TTN: variants seen among roughly 807,000 people sequenced by gnomAD.
TTN encodes titin.
A neutral mutation model predicts 3,223.0 loss-of-function variants in TTN; 1,525 were observed. That is an observed-to-expected ratio of 0.47 (90% confidence interval 0.45 to 0.49). TTN has a LOEUF of 0.49. Among genes scored for constraint, TTN ranks in the 20% least tolerant of loss-of-function variants. TTN has a pLI of 0.00. For missense variants in TTN, 40,786 were observed against 43,424.0 expected (o/e 0.94, Z 5.40); for synonymous variants, 14,094 against 15,161.0 (o/e 0.93, Z 5.17).
In TTN at chr2:178,582,493, A is replaced by G. The variant is rs776884578; in HGVS notation, c.65963T>C (p.Ile21988Thr). Residue 21988 changes from isoleucine to threonine, a missense_variant, in exon 314 of 363, where the codon ATC becomes ACC. Physicochemically the swap from Ile to Thr is moderately conservative, Grantham distance 89. Transcript: ENST00000589042. ...ACGTTTGTCAACAATATAGTTGGTG[A>G]TTTCTGAGCCTCCATCTTCAAGAGG... ...EPPLEDGGSE[I>T]TNYIVDKRET... 6.8e-6 allele frequency: 11 copies of G among 1,612,944 alleles called. No individual in the cohort carries two copies. In the South Asian group the frequency reaches 1.2e-4, roughly 18 times the overall value.
chr2:178,528,342 C>A lies in TTN; in HGVS notation c.107309G>T (p.Gly35770Val). Residue 35770 changes from glycine to valine, a missense_variant, in exon 361 of 363, where the codon GGA (glycine) becomes GTA (valine). Physicochemically the swap from Gly to Val is moderately radical, Grantham distance 109. Coordinates refer to ENST00000589042, the MANE Select transcript of TTN (RefSeq NM_001267550.2). The stretch of plus-strand genomic sequence containing the variant: ...ATTTTTGGCCTTAATTGTGTACTTT[C>A]CACTGTCGCTGACTGATGCATTTCG... ...EIRNASVSDS[G>V]KYTIKAKNFR... is the part of the protein sequence containing the mutation. The A allele has an allele frequency of 6.2e-7, 1 of 1,613,948 alleles. No homozygotes were observed. Among genetic ancestry groups the A allele is most frequent in the East Asian group, 2.2e-5 (1 of 44,878 alleles).
chr2:178,774,399 T>A lies in TTN; in HGVS notation c.6865A>T (p.Ile2289Phe). 1.2e-6 allele frequency: 2 copies of A among 1,613,996 alleles called. No individual in the cohort carries two copies. The highest frequency in any genetic ancestry group is 1.7e-6 in the Non-Finnish European group (2 of 1,179,940). The change falls in exon 30 of 363, where the codon ATT becomes TTT. Residue 2289 changes from isoleucine (I) to phenylalanine (F), a missense_variant. Coordinates refer to ENST00000589042, the MANE Select transcript of TTN (RefSeq NM_001267550.2). ...CCTTCTATATTTTCTGGGGATACAA[T>A]GCACTCTAATTCTCCTGAATATGAT... ...PESYSGELEC[I>F]VSPENIEGKW... is the part of the protein sequence containing the mutation.
At chr2:178,751,097 C>T in intron 47 of TTN, 1 of 1,612,866 alleles carries the variant, frequency 6.2e-7, no homozygotes, top group South Asian at 1.1e-5. Context: ...TTGCACAATA[C>T]TCTCAGCTGA....
chr2:178,579,253 T>A lies in TTN; in HGVS notation c.67777A>T (p.Thr22593Ser). ...SWKKGEDPLA[T>S]DTRVSVESSA... Reference sequence around the variant, plus strand: ...GACTCAACACTGACTCTAGTGTCAGTTGCTAGAGGATCTTCCCCTTTCTTC... The same window carrying A: ...GACTCAACACTGACTCTAGTGTCAGATGCTAGAGGATCTTCCCCTTTCTTC... Residue 22593 changes from threonine to serine, a missense_variant, in exon 320 of 363, where the codon ACT becomes TCT. Thr to Ser is a moderately conservative substitution (Grantham distance 58). Coordinates refer to ENST00000589042, the MANE Select transcript of TTN (RefSeq NM_001267550.2). 6.2e-7 allele frequency: 1 copy of A among 1,613,436 alleles called. No individual in the cohort carries two copies. The highest frequency in any genetic ancestry group is 1.3e-5 in the African/African-American group (1 of 75,018).
In TTN at chr2:178,631,167, T is replaced by A; in HGVS notation, c.43881A>T (p.Pro14627=). Residue 14627 remains proline, a synonymous_variant, in exon 237 of 363, where the codon CCA becomes CCT. Coordinates refer to ENST00000589042, the MANE Select transcript of TTN (RefSeq NM_001267550.2). ...KWFKDGKEIK[P]SKNAVIKADG... ...CTGCCTTAATAACAGCATTTTTGGA[T>A]GGCTTTATTTCCTTCCCATCCTTAA... 6.2e-7 allele frequency: 1 copy of A among 1,613,330 alleles called. No individual in the cohort carries two copies.
chr2:178,704,039 C>A (rs1055347946), intron 106 of TTN, 108 bp downstream of exon 106: 4 of 1,407,526 alleles, frequency 2.8e-6, no homozygotes, highest in Non-Finnish European at 3.8e-6. Flanking sequence ...GAAATAAGAA[C>A]ACATGACCAC....
Position 178,724,315 on chromosome 2 carries a change from G to C in TTN, c.21060C>G (p.Phe7020Leu). The C allele has an allele frequency of 6.2e-7, 1 of 1,613,524 alleles. No homozygotes were observed. The highest frequency in any genetic ancestry group is 1.1e-5 in the South Asian group (1 of 91,056). The change falls in exon 72 of 363, where the codon TTC (phenylalanine) becomes TTG (leucine). Residue 7020 changes from phenylalanine to leucine, a missense_variant. Transcript: ENST00000589042. Reference protein sequence around the residue: ...VERQDAGTYTFQVQNNVGKSS... With the variant: ...VERQDAGTYTLQVQNNVGKSS... ...TTTTCCCAACATTATTTTGAACCTG[G>C]AAAGTGTATGTGCCTGCATCTTGCC...
Position 178,531,622 on chromosome 2 carries a change from G to A in TTN, c.104993C>T (p.Thr34998Ile), listed in dbSNP as rs397517794. The A allele has an allele frequency of 1.2e-6, 2 of 1,613,984 alleles. No individual in the cohort carries two copies. The highest frequency in any genetic ancestry group is 1.3e-5 in the African/African-American group (1 of 75,038). ...AGTATGACAGTCCAGAATTTCCAGG[G>A]TGAGGACTCCACTCGTGTTGGTGTA... ...IHYTNTSGVL[T>I]LEILDCHTDD... is the part of the protein sequence containing the mutation. The change falls in exon 358 of 363, where the codon ACC becomes ATC. Residue 34998 changes from threonine (T) to isoleucine (I), a missense_variant. Thr to Ile is a moderately conservative substitution (Grantham distance 89). Coordinates refer to ENST00000589042, the MANE Select transcript of TTN (RefSeq NM_001267550.2).
chr2:178,780,723 C>T (rs1240551384), intron 21 of TTN, among the ~76,000 whole-genome samples: 1 of 152,150 alleles, frequency 6.6e-6, no homozygotes, highest in South Asian at 2.1e-4. Flanking sequence ...AACACTGAGC[C>T]TGGTAACAGC....
rs1473922604 is a variant in TTN, at chr2:178,769,926, T to A, written c.8655A>T (p.Thr2885=). 1.2e-6 allele frequency: 2 copies of A among 1,614,022 alleles called. No individual in the cohort carries two copies. Among genetic ancestry groups the A allele is most frequent in the Admixed American group, 1.7e-5 (1 of 59,998 alleles). The stretch of plus-strand genomic sequence containing the variant: ...GCACCTCGATATTTTTCATGGTTTT[T>A]GTAATATGTAATGCTTGGTAAAATC... ...AKLFVETLHI[T]KTMKNIEVPE... Residue 2885 remains threonine (T), a synonymous_variant, in exon 37 of 363, where the codon ACA becomes ACT. Coordinates refer to ENST00000589042, the MANE Select transcript of TTN (RefSeq NM_001267550.2).
At chr2:178,761,048 G>A (rs1415093534) in intron 43 of TTN, 1 of 152,190 alleles carries the variant, frequency 6.6e-6, no homozygotes, top group African/African-American at 2.4e-5. Flanking sequence ...CTTGGTAGTG[G>A]ACTTGGTGCT....
Position 178,776,634 on chromosome 2 carries a change from G to A in TTN, c.5230C>T (p.Pro1744Ser), listed in dbSNP as rs761807419. ...CGGAGCCTGTTGGCTGCTTCAAGTG[G>A]CTTTCCATCATGGAGCCACTCCACC... ...MVVEWLHDGK[P>S]LEAANRLRMI... is the part of the protein sequence containing the mutation. The change falls in exon 28 of 363, where the codon CCA (proline) becomes TCA (serine). Residue 1744 changes from proline to serine, a missense_variant. Physicochemically the swap from Pro to Ser is moderately conservative, Grantham distance 74 (BLOSUM62 -1). Transcript: ENST00000589042. 1.1e-5 allele frequency: 18 copies of A among 1,614,070 alleles called. No individual in the cohort carries two copies. Among genetic ancestry groups the A allele is most frequent in the Non-Finnish European group, 1.4e-5 (17 of 1,180,012 alleles).
chr2:178,730,495 AT>A lies in TTN; in HGVS notation c.18028+9del, dbSNP rs762719446. 1.6e-5 allele frequency: 25 copies of A among 1,582,624 alleles called. No individual in the cohort carries two copies. The Admixed American group carries it at 2.9e-4, about 18-fold the overall frequency. On this transcript the variant is annotated intron_variant, in intron 61 of 362. Coordinates refer to ENST00000589042, the MANE Select transcript of TTN (RefSeq NM_001267550.2). ...TAAGTTCTTGATAAGTGGAAATAAA[AT>A]TTGCCAACCTTTGACTGTCAGATGC...
At position 178,733,906 on chromosome 2, in the gene TTN, G is replaced by C; in HGVS notation, c.15497-14C>G. On this transcript the variant is annotated splice_polypyrimidine_tract_variant and intron_variant, in intron 52 of 362. Coordinates refer to ENST00000589042, the MANE Select transcript of TTN (RefSeq NM_001267550.2). ...AGGTTGGAGGTTCTAGTTAAGGAAAGAGAGCATATAAAACATATCAATTCC... is the reference window on the plus strand; with the variant it reads ...AGGTTGGAGGTTCTAGTTAAGGAAACAGAGCATATAAAACATATCAATTCC... 6.4e-7 allele frequency: 1 copy of C among 1,571,288 alleles called. No homozygotes were observed. Among genetic ancestry groups the C allele is most frequent in the Non-Finnish European group, 8.6e-7 (1 of 1,157,514 alleles).
At position 178,526,534 on chromosome 2, in the gene TTN, T is replaced by G. The variant is rs1686496137; in HGVS notation, c.*478A>C. On this transcript the variant is annotated 3_prime_UTR_variant, in exon 363 of 363. Transcript: ENST00000589042. ...ATCACCAATGCCTTACATTTCTGAT[T>G]CAGTAGGTATTGGTGCACATATCAA... The G allele has an allele frequency of 6.5e-6, 1 of 152,992 alleles. No homozygotes were observed. The highest frequency in any genetic ancestry group is 2.1e-4 in the South Asian group (1 of 4,836). The allele number at this position is 152,992 out of a possible 1,614,324, so 9.5% of individuals were successfully genotyped here. A position where few individuals can be genotyped will look rare whatever the true frequency, so the allele number is the denominator to read the frequency against.
chr2:178,673,381 T>C (rs947269764), intron 152 of TTN, among the ~76,000 whole-genome samples: 1 of 151,778 alleles, frequency 6.6e-6, no homozygotes, highest in Non-Finnish European at 1.5e-5. Context: ...TATAAGTATA[T>C]AGAGACATAC....
At position 178,577,170 on chromosome 2, in the gene TTN, T is replaced by C; in HGVS notation, c.69165A>G (p.Glu23055=). ...GAGGTGTCCATGTAAGTGTTGCTTT[T>C]TCAGCAGAAACATTACTGATTTCAA... is the stretch of plus-strand genomic sequence containing the variant. ...GPVEISNVSA[E]KATLTWTPPL... is the part of the protein sequence containing the mutation. The change falls in exon 324 of 363, where the codon GAA becomes GAG. Residue 23055 remains glutamate, a synonymous_variant. Coordinates refer to ENST00000589042, the MANE Select transcript of TTN (RefSeq NM_001267550.2). 6.2e-7 allele frequency: 1 copy of C among 1,612,998 alleles called. No homozygotes were observed. Among genetic ancestry groups the C allele is most frequent in the East Asian group, 2.2e-5 (1 of 44,678 alleles).
chr2:178,575,209 T>C lies in TTN; in HGVS notation c.70923A>G (p.Lys23641=). The change falls in exon 326 of 363, where the codon AAA becomes AAG. Residue 23641 remains lysine, a synonymous_variant. Coordinates refer to ENST00000589042, the MANE Select transcript of TTN (RefSeq NM_001267550.2). This position sits in a 1 kb window ranked among gnomAD's most constrained non-coding sequence, Gnocchi z 4.0. ...PELDLRGIYQ[K]LVIAKAGDNI... Reference sequence around the variant, plus strand: ...TGTCACCAGCTTTGGCAATGACCAGTTTCTGATAGATGCCACGGAGATCCA... The same window carrying C: ...TGTCACCAGCTTTGGCAATGACCAGCTTCTGATAGATGCCACGGAGATCCA... 1 of 1,612,908 alleles carries C rather than the reference T, an allele frequency of 6.2e-7. No homozygotes were observed. Among genetic ancestry groups the C allele is most frequent in the Non-Finnish European group, 8.5e-7 (1 of 1,179,444 alleles).
In TTN at chr2:178,616,514, C is replaced by G. The variant is rs1320775896; in HGVS notation, c.48277G>C (p.Glu16093Gln). Reference protein sequence around the residue: ...GGSPLTGYVVEKREVSRKTWT... With the variant: ...GGSPLTGYVVQKREVSRKTWT... ...GTTTTCCGGCTGACTTCTCGTTTTT[C>G]AACAACGTATCCAGTTAACGGACTT... The change falls in exon 257 of 363, where the codon GAA becomes CAA. Residue 16093 changes from glutamate to glutamine, a missense_variant. Coordinates refer to ENST00000589042, the MANE Select transcript of TTN (RefSeq NM_001267550.2). The G allele has an allele frequency of 6.2e-7, 1 of 1,612,324 alleles. No individual in the cohort carries two copies. The highest frequency in any genetic ancestry group is 8.5e-7 in the Non-Finnish European group (1 of 1,178,874).
Sources: allele counts gnomAD v4.1 joint callset (sites outside exome capture counted in the v4.1 genomes callset), GRCh38; gene constraint gnomAD v4.1.1; non-coding constraint Gnocchi (gnomAD v3.1); transcripts MANE v1.5; gene names NCBI Gene and HGNC (gene_info 2026-07-23, HGNC 2026-07-21).